The following KDM4C variants were observed in gnomAD, a reference collection of about 807,000 sequenced individuals.
KDM4C encodes lysine demethylase 4C.
In KDM4C, 81 loss-of-function variants were observed where a neutral mutation model predicts 129.3. That is an observed-to-expected ratio of 0.63 (90% CI 0.52 to 0.75). The LOEUF (loss-of-function observed/expected upper bound fraction) is 0.75. Ranked by LOEUF, KDM4C falls within the 30% of genes least tolerant of loss-of-function variation. KDM4C has a pLI of 0.00. For missense variants in KDM4C, 1,457 were observed against 1,304.0 expected (o/e 1.12, Z -1.81); for synonymous variants, 573 against 456.1 (o/e 1.26, Z -3.26).
chr9:7,140,640 C>T (rs557060620), intron 19 of KDM4C, among the ~76,000 whole-genome samples: 1 of 152,170 alleles, frequency 6.6e-6, no homozygotes, highest in Non-Finnish European at 1.5e-5. Flanking sequence ...CAAGAAATAC[C>T]TTATCCTTCC....
intron 15 of KDM4C, among the ~76,000 whole-genome samples, chr9:7,016,444 T>TTTTTA (rs1823705128): frequency 1.3e-5 from 2 of 149,144 alleles, no homozygotes; most frequent in Non-Finnish European, 1.5e-5. Context: ...TTTTTTTTTT[T>TTTTTA]GAGATGGAGT....
upstream of KDM4C, among the ~76,000 whole-genome samples, chr9:6,754,880 TA>T (rs58382779): frequency 0.048 from 4,027 of 83,316 alleles, 67 homozygotes; most frequent in African/African-American, 0.089. Context: ...TGTCTCAAAG[TA>T]AAAAAAAAAA....
chr9:6,756,316 T>C (rs190240426), upstream of KDM4C, among the ~76,000 whole-genome samples: 11 of 152,384 alleles, frequency 7.2e-5, 1 homozygote, highest in East Asian at 1.9e-3. Context: ...TTAGGTTGCA[T>C]ATTTATTATT....
chr9:7,058,599 G>C (rs1193728337), intron 17 of KDM4C, among the ~76,000 whole-genome samples: 2 of 152,028 alleles, frequency 1.3e-5, no homozygotes, highest in African/African-American at 4.8e-5. Flanking sequence ...AATTGCACTA[G>C]TAACCATTGT....
At chr9:7,027,336 C>T (rs1047969632) in intron 15 of KDM4C, among the ~76,000 whole-genome samples, 1 of 152,196 alleles carries the variant, frequency 6.6e-6, no homozygotes. Context: ...TGCAGACTTG[C>T]AGAGGTACTG....
chr9:6,904,663 A>G (rs369953006), intron 8 of KDM4C, among the ~76,000 whole-genome samples: 2 of 152,160 alleles, frequency 1.3e-5, no homozygotes, highest in Non-Finnish European at 2.9e-5. Context: ...AGAGATTTAT[A>G]ATGCCTTTGC....
chr9:7,069,030 C>G (rs1832840259), intron 17 of KDM4C, among the ~76,000 whole-genome samples: 1 of 152,228 alleles, frequency 6.6e-6, no homozygotes, highest in South Asian at 2.1e-4. Context: ...AACCTTTCTT[C>G]TCACTCTACA....
At chr9:6,847,443 G>A (rs1218418592) in intron 4 of KDM4C, among the ~76,000 whole-genome samples, 2 of 151,844 alleles carry the variant, frequency 1.3e-5, no homozygotes, top group African/African-American at 4.8e-5. Flanking sequence ...CTGTCGCCCA[G>A]GCTGGAGTGC....
chr9:6,986,328 TC>T lies in KDM4C; in HGVS notation c.1355-15del. ...ACAGTGCATGATTTATTAACAGTCT[TC>T]TGTTTTATCCTCAGGAAACAGCTGC... On this transcript the variant is annotated splice_polypyrimidine_tract_variant and intron_variant, in intron 10 of 21. Coordinates refer to ENST00000381309, the MANE Select transcript of KDM4C (RefSeq NM_015061.6). 1.3e-6 allele frequency: 2 copies of T among 1,567,372 alleles called. No individual in the cohort carries two copies. The highest frequency in any genetic ancestry group is 1.7e-6 in the Non-Finnish European group (2 of 1,144,510).
intron 4 of KDM4C, chr9:6,815,003 A>C (rs1041389151): frequency 3.5e-6 from 1 of 288,160 alleles, no homozygotes; most frequent in Non-Finnish European, 6.4e-6. Flanking sequence ...CATTACATTA[A>C]AACTTTTTAA....
intron 8 of KDM4C, among the ~76,000 whole-genome samples, chr9:6,947,569 TA>T (rs1827204935): frequency 6.6e-6 from 1 of 152,146 alleles, no homozygotes; most frequent in Non-Finnish European, 1.5e-5. Context: ...AAAAATTTTA[TA>T]ATTTTTTTGT....
Position 6,804,309 on chromosome 9 carries a change from G to A in KDM4C, c.145-1290G>A, listed in dbSNP as rs117210506. 2.5e-3 allele frequency among the ~76,000 whole-genome samples: 387 copies of A among 152,278 alleles called. 4 individuals carry two copies. The highest frequency in any genetic ancestry group is 0.02 in the East Asian group (103 of 5,174). Reference sequence around the variant, plus strand: ...CCAGCTGCTTATGTAGTGATGTCACGTTGGTAGGTTCAGATTGGCCATGGT... The same window carrying A: ...CCAGCTGCTTATGTAGTGATGTCACATTGGTAGGTTCAGATTGGCCATGGT... On this transcript the variant is annotated intron_variant, in intron 2 of 21. Transcript: ENST00000381309.
rs532242402 is a variant in KDM4C at position 6,796,382 on chromosome 9, G to A, written c.144+3250G>A. On this transcript the variant is annotated intron_variant, in intron 2 of 21. Coordinates refer to ENST00000381309, the MANE Select transcript of KDM4C (RefSeq NM_015061.6). ...ATCACTTGAACCCGGGAGGTGGAGG[G>A]CAGAGGTTGGGGATAACCATCTCTT... is the stretch of plus-strand genomic sequence containing the variant. Among the ~76,000 whole-genome samples, 7 of 152,228 alleles carry A rather than the reference G, an allele frequency of 4.6e-5. No individual in the cohort carries two copies. The South Asian group carries it at 1.5e-3, about 32-fold the overall frequency.
intron 8 of KDM4C, among the ~76,000 whole-genome samples, chr9:6,912,265 T>C (rs1373799128): frequency 6.6e-6 from 1 of 152,182 alleles, no homozygotes. Context: ...GACTAACGAA[T>C]ACTTGATACC....
intron 17 of KDM4C, among the ~76,000 whole-genome samples, chr9:7,084,176 G>C (rs189456863): frequency 6.1e-4 from 93 of 152,296 alleles, no homozygotes; most frequent in Non-Finnish European, 1.1e-3. Context: ...CTTAACACAG[G>C]TGTTGACGAC....
chr9:7,172,928 A>G (rs368121176), intron 21 of KDM4C, among the ~76,000 whole-genome samples: 1 of 152,282 alleles, frequency 6.6e-6, no homozygotes, highest in Non-Finnish European at 1.5e-5. Flanking sequence ...TTTAGGAGGC[A>G]AGATAGTAGG....
chr9:6,771,080 CTTTTTTTT>C (rs35945405), intron 1 of KDM4C, among the ~76,000 whole-genome samples: 3 of 56,970 alleles, frequency 5.3e-5, no homozygotes, highest in South Asian at 6.8e-4. Flanking sequence ...GACTGTGAAT[CTTTTTTTT>C]TTTTTTTTTT....
intron 8 of KDM4C, among the ~76,000 whole-genome samples, chr9:6,915,048 C>G (rs146042443): frequency 6.6e-6 from 1 of 152,150 alleles, no homozygotes; most frequent in African/African-American, 2.4e-5. Flanking sequence ...TTGAAATTCT[C>G]GAGTTAGTCT....
intron 17 of KDM4C, chr9:7,076,307 A>G (rs546164205): frequency 3.1e-6 from 2 of 641,920 alleles, no homozygotes; most frequent in Non-Finnish European, 5.5e-6. Context: ...TATTCAAGGA[A>G]TACATATGGG....
Sources: gnomAD v4.1 joint callset for allele counts (sites outside exome capture counted in the v4.1 genomes callset) on GRCh38, gnomAD v4.1.1 for gene constraint, MANE v1.5 for transcripts, NCBI Gene and HGNC (gene_info 2026-07-23, HGNC 2026-07-21) for gene names.